DAB1: variants seen among roughly 807,000 people sequenced by gnomAD.
The protein encoded by DAB1 is DAB adaptor protein 1.
A neutral mutation model predicts 64.6 loss-of-function variants in DAB1; 15 were observed. That is an observed-to-expected ratio of 0.23 (90% CI 0.16 to 0.36). The LOEUF (loss-of-function observed/expected upper bound fraction) is 0.36. Ranked by LOEUF, DAB1 falls within the 10% of genes least tolerant of loss-of-function variation. The pLI is 1.00. For synonymous variants in DAB1, 235 were observed against 251.9 expected (o/e 0.93, Z 0.64); for missense variants, 596 against 706.7 (o/e 0.84, Z 1.78).
chr1:58,231,150 G>C (rs1659758545), intron 4 of DAB1, among the ~76,000 whole-genome samples: 1 of 152,138 alleles, frequency 6.6e-6, no homozygotes, highest in South Asian at 2.1e-4. Flanking sequence ...TGTCATTATT[G>C]TTATCTTTAT....
chr1:57,341,656 TGTTA>T lies in DAB1; in HGVS notation c.-136-50494_-136-50491del, dbSNP rs539820207. Among the ~76,000 whole-genome samples the T allele has an allele frequency of 5.3e-3, 808 of 152,314 alleles. 9 individuals are homozygous for T. The highest frequency in any genetic ancestry group is 0.018 in the African/African-American group (741 of 41,558). ...TTTTTTTCTCTTTCTTTTTTTGAGC[TGTTA>T]GACTCTCAATTTAAACTCTTTTAGA... is the stretch of plus-strand genomic sequence containing the variant. On this transcript the variant is annotated intron_variant, in intron 1 of 14. Coordinates refer to ENST00000371236, the MANE Select transcript of DAB1 (RefSeq NM_001365792.1).
At chr1:57,881,705 G>T (rs888665275) in intron 1 of DAB1, among the ~76,000 whole-genome samples, 1 of 152,084 alleles carries the variant, frequency 6.6e-6, no homozygotes, top group Non-Finnish European at 1.5e-5. Context: ...TAAAGCATTC[G>T]TATAAATAGA....
chr1:57,229,789 T>G (rs1387432721), intron 2 of DAB1, among the ~76,000 whole-genome samples: 1 of 152,220 alleles, frequency 6.6e-6, no homozygotes, highest in Non-Finnish European at 1.5e-5. Flanking sequence ...ACATTGTTAC[T>G]TTCATTGTTG....
chr1:57,666,509 A>C (rs1475523054), intron 6 of DAB1, among the ~76,000 whole-genome samples: 1 of 152,194 alleles, frequency 6.6e-6, no homozygotes, highest in Non-Finnish European at 1.5e-5. Flanking sequence ...AGTGGTACTT[A>C]GAAAATGTTT....
chr1:58,425,463 G>T (rs1644813909), intron 3 of DAB1, among the ~76,000 whole-genome samples: 2 of 152,180 alleles, frequency 1.3e-5, no homozygotes, highest in Admixed American at 1.3e-4. Flanking sequence ...CTGCCGTAGA[G>T]TTTTATGGGG....
At chr1:57,257,191 G>A (rs1317263465) in intron 2 of DAB1, among the ~76,000 whole-genome samples, 1 of 152,264 alleles carries the variant, frequency 6.6e-6, no homozygotes, top group East Asian at 1.9e-4. Flanking sequence ...CCAGCACACA[G>A]GCCTGCTCTA....
At chr1:57,767,245 G>C (rs1649352756) in intron 6 of DAB1, among the ~76,000 whole-genome samples, 1 of 151,918 alleles carries the variant, frequency 6.6e-6, no homozygotes, top group South Asian at 2.1e-4. Flanking sequence ...GATATCTAGG[G>C]GCCCACAAGA....
At chr1:57,894,569 G>A (rs1282067454) in intron 5 of DAB1, among the ~76,000 whole-genome samples, 4 of 152,286 alleles carry the variant, frequency 2.6e-5, no homozygotes, top group South Asian at 2.1e-4. Flanking sequence ...AAAGGAAGCC[G>A]ATGTGCTTGA....
intron 1 of DAB1, among the ~76,000 whole-genome samples, chr1:57,296,932 A>G (rs1270263087): frequency 6.6e-6 from 1 of 152,202 alleles, no homozygotes; most frequent in African/African-American, 2.4e-5. Context: ...CTTCGCACTT[A>G]TTGTTTATCA....
intron 3 of DAB1, among the ~76,000 whole-genome samples, chr1:58,479,436 A>G (rs995706042): frequency 2.6e-5 from 4 of 152,322 alleles, no homozygotes; most frequent in African/African-American, 7.2e-5. Flanking sequence ...TATCTTCTTA[A>G]CAACTAGATA....
intron 3 of DAB1, among the ~76,000 whole-genome samples, chr1:58,393,324 T>A (rs1569722566): frequency 6.6e-6 from 1 of 152,132 alleles, no homozygotes; most frequent in Non-Finnish European, 1.5e-5. Flanking sequence ...AGTACTATTA[T>A]TGATTGAGCA....
chr1:57,202,483 C>T (rs1665187040), intron 2 of DAB1, among the ~76,000 whole-genome samples: 1 of 152,108 alleles, frequency 6.6e-6, no homozygotes, highest in Non-Finnish European at 1.5e-5. Flanking sequence ...ATCCGTTTAC[C>T]TGCATTCACT....
intron 6 of DAB1, among the ~76,000 whole-genome samples, chr1:57,677,576 C>T (rs535166567): frequency 9.2e-5 from 14 of 152,258 alleles, no homozygotes; most frequent in Non-Finnish European, 1.9e-4. Context: ...ATTCATACCA[C>T]GTGGCAATGA....
intron 1 of DAB1, among the ~76,000 whole-genome samples, chr1:57,872,348 C>G (rs1297911228): frequency 6.6e-6 from 1 of 152,132 alleles, no homozygotes; most frequent in African/African-American, 2.4e-5. Context: ...AAAGAGACTC[C>G]TCATCCCTTC....
intron 3 of DAB1, among the ~76,000 whole-genome samples, chr1:58,375,714 A>T: frequency 7.1e-6 from 1 of 140,460 alleles, no homozygotes; most frequent in African/African-American, 2.6e-5. Flanking sequence ...GTTAGGGAGG[A>T]TTCCCTCTTT....
intron 6 of DAB1, among the ~76,000 whole-genome samples, chr1:57,770,942 T>C (rs1381467136): frequency 6.6e-6 from 1 of 152,108 alleles, no homozygotes; most frequent in African/African-American, 2.4e-5. Context: ...TAATCCATAC[T>C]GAGCAGATTA....
At chr1:57,932,854 G>A (rs906778938) in intron 5 of DAB1, among the ~76,000 whole-genome samples, 7 of 152,068 alleles carry the variant, frequency 4.6e-5, no homozygotes, top group African/African-American at 1.4e-4. Flanking sequence ...GTTTCTTGTA[G>A]ACAAAATATA....
intron 7 of DAB1, among the ~76,000 whole-genome samples, chr1:57,612,263 T>G (rs1488440237): frequency 1.3e-5 from 2 of 152,038 alleles, no homozygotes; most frequent in African/African-American, 4.8e-5. Flanking sequence ...GTTCACTGTC[T>G]GTCCCTGTAG....
intron 7 of DAB1, among the ~76,000 whole-genome samples, chr1:57,502,461 T>C (rs1644301864): frequency 6.6e-6 from 1 of 152,202 alleles, no homozygotes; most frequent in African/African-American, 2.4e-5. Context: ...AGTTTAACTT[T>C]CTTTCACAGC....
Sources: gnomAD v4.1 joint callset for allele counts (sites outside exome capture counted in the v4.1 genomes callset) on GRCh38, gnomAD v4.1.1 for gene constraint, MANE v1.5 for transcripts, NCBI Gene and HGNC (gene_info 2026-07-23, HGNC 2026-07-21) for gene names.